The following TMEM40 variants were observed in gnomAD, a reference collection of about 807,000 sequenced individuals.
TMEM40 encodes the protein transmembrane protein 40.
In TMEM40, 34 loss-of-function variants were observed where a neutral mutation model predicts 40.8. The ratio of observed to expected loss-of-function variants is 0.83; its 90% CI spans 0.63 to 1.11. TMEM40 has a LOEUF of 1.11. Among genes scored for constraint, TMEM40 ranks in the 50% least tolerant of loss-of-function variants. TMEM40 has a pLI of 0.00. For synonymous variants in TMEM40, 106 were observed against 107.0 expected (o/e 0.99, Z 0.06); for missense variants, 296 against 280.2 (o/e 1.06, Z -0.40).
chr3:12,755,205 T>C (rs2061512018), intron 1 of TMEM40, among the ~76,000 whole-genome samples: 7 of 83,228 alleles, frequency 8.4e-5, no homozygotes, highest in African/African-American at 3.9e-4. Context: ...CTTCCTTTCT[T>C]TCTTTCTTTC....
chr3:12,746,638 G>A lies in TMEM40; in HGVS notation c.211+2017C>T, dbSNP rs369130998. On this transcript the variant is annotated intron_variant, in intron 3 of 11. Transcript: ENST00000314124. ...CACTGTCCGCGCCTGAAAAACAGGC[G>A]GCTATGTTCTGGCAGCAGGTCAGTC... 4.8e-4 allele frequency among the ~76,000 whole-genome samples: 73 copies of A among 152,288 alleles called. 1 individual carries two copies. The highest frequency in any genetic ancestry group is 1.6e-3 in the African/African-American group (65 of 41,568).
At chr3:12,744,381 C>G (rs1017866007) in intron 3 of TMEM40, among the ~76,000 whole-genome samples, 2 of 152,132 alleles carry the variant, frequency 1.3e-5, no homozygotes, top group African/African-American at 4.8e-5. Context: ...CTCCCACCCC[C>G]CTGGAATATC....
At chr3:12,741,047 C>T (rs1243426475) in intron 5 of TMEM40, among the ~76,000 whole-genome samples, 1 of 152,228 alleles carries the variant, frequency 6.6e-6, no homozygotes, top group Admixed American at 6.5e-5. Context: ...CAGGCAACTC[C>T]AAGCTCATGC....
intron 4 of TMEM40, 79 bp from the exon 5 acceptor site, chr3:12,742,586 G>C (rs116340818): frequency 2.1e-5 from 32 of 1,526,640 alleles, no homozygotes; most frequent in Non-Finnish European, 2.8e-5. Flanking sequence ...TGGCTTCGAC[G>C]CTTAAGAAGT....
intron 5 of TMEM40, 148 bp from the exon 6 acceptor site, chr3:12,738,736 G>T (rs1375819251): frequency 1.3e-6 from 1 of 763,358 alleles, no homozygotes. Context: ...GAGGGTTCCT[G>T]TTCCAACTAA....
chr3:12,765,727 G>A lies in TMEM40; in HGVS notation c.-9+3524C>T, dbSNP rs534655664. On this transcript the variant is annotated intron_variant, in intron 1 of 11. Coordinates refer to the TMEM40 transcript ENST00000264728. ...TGGGACTACAGGCGCCTGCCACCAC[G>A]CCCAGCTAATTTTTTGTGTTTTTAG... Among the ~76,000 whole-genome samples, 206 of 151,824 alleles carry A rather than the reference G, an allele frequency of 1.4e-3. 2 individuals carry two copies. Among genetic ancestry groups the A allele is most frequent in the African/African-American group, 4.8e-3 (198 of 41,386 alleles).
At chr3:12,767,042 G>GT (rs1363813006) in intron 1 of TMEM40, among the ~76,000 whole-genome samples, 1 of 152,070 alleles carries the variant, frequency 6.6e-6, no homozygotes, top group East Asian at 1.9e-4. Flanking sequence ...TCTCCAAAAA[G>GT]GACCCTATGT....
chr3:12,764,682 G>C (rs903269778), intron 1 of TMEM40, among the ~76,000 whole-genome samples: 1 of 152,104 alleles, frequency 6.6e-6, no homozygotes, highest in African/African-American at 2.4e-5. Flanking sequence ...CCTGTAAAAT[G>C]GGCATAATGA....
intron 5 of TMEM40, among the ~76,000 whole-genome samples, chr3:12,739,442 G>A (rs939798122): frequency 4.6e-5 from 7 of 151,986 alleles, no homozygotes; most frequent in African/African-American, 1.4e-4. Flanking sequence ...CCGCCACCAC[G>A]CCTGGCTAAT....
chr3:12,765,495 C>T lies in TMEM40; in HGVS notation c.-9+3756G>A, dbSNP rs190532432. 9.2e-5 allele frequency among the ~76,000 whole-genome samples: 14 copies of T among 151,562 alleles called. No individual in the cohort carries two copies. In the East Asian group the frequency reaches 1.4e-3, roughly 15 times the overall value. On this transcript the variant is annotated intron_variant, in intron 1 of 11. Coordinates refer to the TMEM40 transcript ENST00000264728. Reference sequence around the variant, plus strand: ...TACAAACAAACCATCGCTGGAGATCCGTTTGAAGAGAGACAAGAAGGTCCA... The same window carrying T: ...TACAAACAAACCATCGCTGGAGATCTGTTTGAAGAGAGACAAGAAGGTCCA...
intron 5 of TMEM40, among the ~76,000 whole-genome samples, chr3:12,740,859 A>G (rs903849845): frequency 7.2e-5 from 11 of 152,206 alleles, no homozygotes; most frequent in South Asian, 2.1e-4. Flanking sequence ...CAGCATCCCA[A>G]AAAAAACAAA....
chr3:12,738,843 A>G, intron 5 of TMEM40: 1 of 471,300 alleles, frequency 2.1e-6, no homozygotes, highest in Non-Finnish European at 3.9e-6. Context: ...CCAGGTTTTC[A>G]GGTAAACTTC....
chr3:12,743,903 G>A lies in TMEM40; in HGVS notation c.298C>T (p.Pro100Ser), dbSNP rs1559527366. 6.2e-7 allele frequency: 1 copy of A among 1,613,234 alleles called. No individual in the cohort carries two copies. Among genetic ancestry groups the A allele is most frequent in the South Asian group, 1.1e-5 (1 of 90,646 alleles). The change falls in exon 4 of 12, where the codon CCC (proline) becomes TCC (serine). Residue 100 changes from proline (P) to serine (S), a missense_variant. By Grantham distance (74) the Pro-to-Ser change is moderately conservative. Transcript: ENST00000314124. Reference protein sequence around the residue: ...GAGYPHGNGSPGPGHGEPDVL... With the variant: ...GAGYPHGNGSSGPGHGEPDVL... ...AATGGTAAGGCCTATTTCCTACCGG[G>A]TGAGCCGTTCCCGTGGGGGTATCCA... is the stretch of plus-strand genomic sequence containing the variant.
intron 6 of TMEM40, 103 bp downstream of exon 6, chr3:12,738,450 G>T (rs902086367): frequency 8.9e-6 from 12 of 1,345,092 alleles, no homozygotes; most frequent in Non-Finnish European, 1.3e-5. Flanking sequence ...GTTTCTCAGA[G>T]CCAGGTATCC....
chr3:12,742,626 G>C, intron 4 of TMEM40, 119 bp from the exon 5 acceptor site: 1 of 1,213,048 alleles, frequency 8.2e-7, no homozygotes, highest in Non-Finnish European at 1.2e-6. Context: ...AGGTGAGGTG[G>C]GGGGCAGTCT....
upstream of TMEM40, among the ~76,000 whole-genome samples, chr3:12,763,270 C>T (rs181474298): frequency 1.3e-5 from 2 of 152,060 alleles, no homozygotes; most frequent in African/African-American, 2.4e-5. Flanking sequence ...CAGGTACTTC[C>T]CTCCCTGAGC....
intron 4 of TMEM40, among the ~76,000 whole-genome samples, chr3:12,743,564 T>A (rs2061399705): frequency 1.3e-5 from 2 of 152,238 alleles, no homozygotes; most frequent in Non-Finnish European, 2.9e-5. Flanking sequence ...AAATCACTTA[T>A]AATTCCACCA....
intron 9 of TMEM40, 29 bp downstream of exon 9, chr3:12,736,735 T>C: frequency 1.2e-6 from 2 of 1,613,980 alleles, no homozygotes; most frequent in Middle Eastern, 1.7e-4. Flanking sequence ...CCATCCCCCT[T>C]GTGCATTCCC....
intron 4 of TMEM40, 37 bp from the exon 5 acceptor site, chr3:12,742,544 A>T (rs373135203): frequency 1.2e-6 from 2 of 1,609,412 alleles, no homozygotes; most frequent in East Asian, 4.5e-5. Flanking sequence ...GCACTCCCCA[A>T]ACACAGTGAT....
Sources: gnomAD v4.1 joint callset for allele counts (sites outside exome capture counted in the v4.1 genomes callset) on GRCh38, gnomAD v4.1.1 for gene constraint, MANE v1.5 for transcripts, NCBI Gene and HGNC (gene_info 2026-07-23, HGNC 2026-07-21) for gene names.